The following MKI67 variants were observed in gnomAD, a reference collection of about 807,000 sequenced individuals.
The protein encoded by MKI67 is proliferation marker protein Ki-67.
In MKI67, 152 loss-of-function variants were observed where a neutral mutation model predicts 233.5. That is an observed-to-expected ratio of 0.65 (90% CI 0.57 to 0.74). The LOEUF is 0.74. Among genes scored for constraint, MKI67 ranks in the 30% least tolerant of loss-of-function variants. The probability of loss-of-function intolerance (pLI) is 0.00; values close to 1 mark genes in which losing one functional copy is unlikely to be tolerated. For missense variants in MKI67, 3,940 were observed against 3,885.2 expected, an observed-to-expected ratio of 1.01 and a Z score of -0.37; for synonymous variants, 1,465 against 1,418.5, an observed-to-expected ratio of 1.03 and a Z score of -0.74.
chr10:128,106,208 T>C lies in MKI67; in HGVS notation c.5632A>G (p.Lys1878Glu). ...DTPTNTKQRP[K>E]RSLKKADVEE... is the part of the protein sequence containing the mutation. ...ACGTCTGCTTTCTTGAGGCTTCTCT[T>C]GGGCCGTTGCTTTGTGTTTGTTGGG... Residue 1878 changes from lysine (K) to glutamate (E), a missense_variant, in exon 13 of 15, where the codon AAG becomes GAG. Lys to Glu is a moderately conservative substitution (Grantham distance 56). Transcript: ENST00000368654. 1 of 1,613,850 alleles carries C rather than the reference T, an allele frequency of 6.2e-7. No homozygotes were observed. Among genetic ancestry groups the C allele is most frequent in the Non-Finnish European group, 8.5e-7 (1 of 1,179,982 alleles).
rs147363182 is a variant in MKI67, at chr10:128,105,277, G to C, written c.6563C>G (p.Ala2188Gly). The change falls in exon 13 of 15, where the codon GCC becomes GGC. Residue 2188 changes from alanine (A) to glycine (G), a missense_variant. Transcript: ENST00000368654. ...GCCAGCCAAGTCTTCTAGGGGTTGG[G>C]CTTTTCCCTTAGGAGTTCTTGGCTG... Reference protein sequence around the residue: ...KRQPRTPKGKAQPLEDLAGLK... With the variant: ...KRQPRTPKGKGQPLEDLAGLK... 932 of 1,614,124 alleles carry C rather than the reference G, an allele frequency of 5.8e-4. 2 individuals are homozygous for C. The African/African-American group carries it at 0.01, about 17-fold the overall frequency.
Position 128,115,229 on chromosome 10 carries a change from C to T in MKI67, c.1179G>A (p.Arg393=). ...GTGTTCGATTTCTAGTTGAAAGCTT[C>T]CTGGGAGTAAGAGTTTTATCACCAG... is the stretch of plus-strand genomic sequence containing the variant. The part of the protein sequence containing the change: ...FKAGDKTLTP[R]KLSTRNRTPA... The change falls in exon 7 of 15, where the codon AGG becomes AGA. Residue 393 remains arginine, a synonymous_variant. Coordinates refer to ENST00000368654, the MANE Select transcript of MKI67 (RefSeq NM_002417.5). The T allele has an allele frequency of 6.2e-7, 1 of 1,614,218 alleles. No homozygotes were observed. Among genetic ancestry groups the T allele is most frequent in the Non-Finnish European group, 8.5e-7 (1 of 1,180,040 alleles).
chr10:128,099,112 T>G lies in MKI67; in HGVS notation c.*78A>C, dbSNP rs958528670. ...GACAGCCTTACTTACAGAATTCACT[T>G]GTAATTTATGACAAAAACTGCACTA... On this transcript the variant is annotated 3_prime_UTR_variant, in exon 15 of 15. Transcript: ENST00000368654. The G allele has an allele frequency of 2.6e-6, 3 of 1,155,072 alleles. No individual in the cohort carries two copies. The highest frequency in any genetic ancestry group is 3.8e-6 in the Non-Finnish European group (3 of 798,336). The allele number at this position is 1,155,072 out of a possible 1,614,324, so 71.6% of individuals were successfully genotyped here.
Position 128,106,737 on chromosome 10 carries a change from C to T in MKI67, c.5103G>A (p.Lys1701=). The change falls in exon 13 of 15, where the codon AAG becomes AAA. Residue 1701 remains lysine (K), a synonymous_variant. Transcript: ENST00000368654. The part of the protein sequence containing the change: ...TGSKRQLRTP[K]GKSEVPEDLA... The stretch of plus-strand genomic sequence containing the variant: ...GGTCTTCAGGGACTTCAGACTTTCC[C>T]TTAGGAGTTCTCAGCTGCCTCTTGC... 3 of 1,614,004 alleles carry T rather than the reference C, an allele frequency of 1.9e-6. No homozygotes were observed. Among genetic ancestry groups the T allele is most frequent in the Non-Finnish European group, 2.5e-6 (3 of 1,179,998 alleles).
chr10:128,117,214 C>T (rs899145105), intron 5 of MKI67, among the ~76,000 whole-genome samples: 1 of 152,224 alleles, frequency 6.6e-6, no homozygotes, highest in Non-Finnish European at 1.5e-5. Context: ...TGTAACCCCC[C>T]ACGAGCTCAG....
Position 128,115,585 on chromosome 10 carries a change from C to A in MKI67, c.823G>T (p.Glu275Ter). The stretch of plus-strand genomic sequence containing the variant: ...TCCCCCTGTAAACCATCAGCACTTT[C>A]TTTCTCTGTTGCGTAATCAGTTTGT... ...GLQTDYATEK[E>*]SADGLQGETQ... is the part of the protein sequence containing the mutation. The change falls in exon 7 of 15, where the codon GAA becomes TAA. Residue 275 changes from glutamate (E) to a stop codon, truncating the protein, a stop_gained. Transcript: ENST00000368654. LOFTEE classifies it high-confidence loss of function. The A allele has an allele frequency of 1.2e-6, 2 of 1,614,208 alleles. No individual in the cohort carries two copies. The highest frequency in any genetic ancestry group is 1.6e-4 in the Middle Eastern group (1 of 6,062).
chr10:128,119,154 C>T (rs1852872532), intron 5 of MKI67, 99 bp downstream of exon 5: 2 of 862,072 alleles, frequency 2.3e-6, no homozygotes, highest in African/African-American at 3.4e-5. Flanking sequence ...AGTAACCACC[C>T]TCTTTGTAAC....
rs1852563886 is a variant in MKI67, at chr10:128,108,107, T to C, written c.3733A>G (p.Lys1245Glu). 2 of 1,613,028 alleles carry C rather than the reference T, an allele frequency of 1.2e-6. No individual in the cohort carries two copies. Among genetic ancestry groups the C allele is most frequent in the Admixed American group, 3.3e-5 (2 of 59,902 alleles). Residue 1245 changes from lysine (K) to glutamate (E), a missense_variant, in exon 13 of 15, where the codon AAA becomes GAA. By Grantham distance (56) the Lys-to-Glu change is moderately conservative. Coordinates refer to ENST00000368654, the MANE Select transcript of MKI67 (RefSeq NM_002417.5). ...GAGTCGCAGGGTATTTTAGTGGTTT[T>C]ACCAGCAGCCACTAATTCCTCGGTG... ...GHTEELVAAGKTTKIPCDSPQ... is the reference protein window; with the variant it reads ...GHTEELVAAGETTKIPCDSPQ...
At chr10:128,124,995 C>G (rs1853025385) in intron 2 of MKI67, among the ~76,000 whole-genome samples, 1 of 152,062 alleles carries the variant, frequency 6.6e-6, no homozygotes, top group African/African-American at 2.4e-5. Flanking sequence ...GGAAATGACC[C>G]CCCTTCTCAG....
At position 128,107,747 on chromosome 10, in the gene MKI67, CA is replaced by C; in HGVS notation, c.4092del (p.Ala1365LeufsTer43). The C allele has an allele frequency of 6.2e-7, 1 of 1,613,656 alleles. No homozygotes were observed. Among genetic ancestry groups the C allele is most frequent in the Non-Finnish European group, 8.5e-7 (1 of 1,179,920 alleles). On this transcript the variant is annotated frameshift_variant, in exon 13 of 15. Transcript: ENST00000368654. LOFTEE classifies it high-confidence loss of function. Reference sequence around the variant, plus strand: ...CAGGGCATTTTAGTAGTTTTGCCAGCAGCCACTGCTTCTTCAGTATGACCAG... The same window carrying C: ...CAGGGCATTTTAGTAGTTTTGCCAGCGCCACTGCTTCTTCAGTATGACCAG... The part of the protein sequence containing the change: ...QTPGHTEEAV[A>X]AGKTTKMPCE...
rs1564998740 is a variant in MKI67, at chr10:128,103,162, A to G, written c.8678T>C (p.Leu2893Pro). The G allele has an allele frequency of 1.9e-6, 3 of 1,610,586 alleles. No individual in the cohort carries two copies. The East Asian group carries it at 6.7e-5, about 36-fold the overall frequency. Reference protein sequence around the residue: ...KAFKQPAKRKLDAEDVIGSRR... With the variant: ...KAFKQPAKRKPDAEDVIGSRR... Reference sequence around the variant, plus strand: ...GCTGCCAATTACATCTTCTGCGTCCAGCTTCCGCTTTGCAGGTTGCTTAAA... The same window carrying G: ...GCTGCCAATTACATCTTCTGCGTCCGGCTTCCGCTTTGCAGGTTGCTTAAA... Residue 2893 changes from leucine (L) to proline (P), a missense_variant, in exon 13 of 15, where the codon CTG becomes CCG. Leu to Pro is a moderately conservative substitution (Grantham distance 98, BLOSUM62 -3). Transcript: ENST00000368654.
In MKI67 at chr10:128,104,396, G is replaced by GC; in HGVS notation, c.7443dup (p.Leu2482AlafsTer38). ...TCCACTTTCACCAGGGGTATCTTGAGCCTTTGCTTGGAGCTTCTTGAGGTT... is the reference window on the plus strand; with the variant it reads ...TCCACTTTCACCAGGGGTATCTTGAGCCCTTTGCTTGGAGCTTCTTGAGGTT... On this transcript the variant is annotated frameshift_variant, in exon 13 of 15. Transcript: ENST00000368654. LOFTEE classifies it high-confidence loss of function. 1 of 1,614,178 alleles carries GC rather than the reference G, an allele frequency of 6.2e-7. No homozygotes were observed. The highest frequency in any genetic ancestry group is 8.5e-7 in the Non-Finnish European group (1 of 1,180,048).
intron 8 of MKI67, among the ~76,000 whole-genome samples, chr10:128,113,129 G>A (rs1852717477): frequency 6.6e-6 from 1 of 152,142 alleles, no homozygotes; most frequent in Non-Finnish European, 1.5e-5. Context: ...CTATTCTGAC[G>A]GTGCCTGCAG....
rs1329915667 is a variant in MKI67, at chr10:128,107,796, G to A, written c.4044C>T (p.Gly1348=). The A allele has an allele frequency of 6.2e-7, 1 of 1,613,950 alleles. No individual in the cohort carries two copies. The highest frequency in any genetic ancestry group is 1.7e-5 in the Admixed American group (1 of 60,002). Residue 1348 remains glycine (G), a synonymous_variant, in exon 13 of 15, where the codon GGC becomes GGT. Transcript: ENST00000368654. ...CAGGGGTCTGGAAGAGCTCTTTAAA[G>A]CCAGTCAGGTCTTCCAGAGCCTGGG... ...EEAQALEDLT[G]FKELFQTPGH...
Position 128,107,999 on chromosome 10 carries a change from C to G in MKI67, c.3841G>C (p.Glu1281Gln), listed in dbSNP as rs755104713. The change falls in exon 13 of 15, where the codon GAA becomes CAA. Residue 1281 changes from glutamate to glutamine, a missense_variant. Glu to Gln is a conservative substitution (Grantham distance 29, BLOSUM62 2). Coordinates refer to ENST00000368654, the MANE Select transcript of MKI67 (RefSeq NM_002417.5). ...ATTAGATTCCTGCACGCTAAGAGTTCTCCCTCTACATCTGCTTTCCTGATA... is the reference window on the plus strand; with the variant it reads ...ATTAGATTCCTGCACGCTAAGAGTTGTCCCTCTACATCTGCTTTCCTGATA... ...RSIRKADVEGELLACRNLMPS... is the reference protein window; with the variant it reads ...RSIRKADVEGQLLACRNLMPS... 1 of 1,613,768 alleles carries G rather than the reference C, an allele frequency of 6.2e-7. No individual in the cohort carries two copies. The highest frequency in any genetic ancestry group is 1.1e-5 in the South Asian group (1 of 91,074).
chr10:128,116,238 AACT>A (rs1206726551), intron 6 of MKI67, among the ~76,000 whole-genome samples: 1 of 152,208 alleles, frequency 6.6e-6, no homozygotes, highest in Non-Finnish European at 1.5e-5. Flanking sequence ...CATGCTATCT[AACT>A]ACTGAGAACT....
Position 128,098,671 on chromosome 10 carries a change from G to A in MKI67, c.*519C>T, listed in dbSNP as rs1852266294. 1 of 152,590 alleles carries A rather than the reference G, an allele frequency of 6.6e-6. No individual in the cohort carries two copies. Among genetic ancestry groups the A allele is most frequent in the African/African-American group, 2.4e-5 (1 of 41,454 alleles). 9.5% of individuals were successfully genotyped at this position (152,590 alleles called of 1,614,324 possible). On this transcript the variant is annotated 3_prime_UTR_variant, in exon 15 of 15. Transcript: ENST00000368654. Reference sequence around the variant, plus strand: ...ATCAAAAATAGGACTGTCCTGTGCAGATGTCCAATAGCCTTAATTTGGGGA... The same window carrying A: ...ATCAAAAATAGGACTGTCCTGTGCAAATGTCCAATAGCCTTAATTTGGGGA...
At chr10:128,121,489 T>C (rs1362179133) in intron 4 of MKI67, among the ~76,000 whole-genome samples, 1 of 129,832 alleles carries the variant, frequency 7.7e-6, no homozygotes, top group African/African-American at 2.9e-5. Flanking sequence ...TATTATATTA[T>C]ATATTACTAT....
chr10:128,108,756 G>T lies in MKI67; in HGVS notation c.3084C>A (p.Ser1028=). Residue 1028 remains serine (S), a synonymous_variant, in exon 13 of 15, where the codon TCC becomes TCA. Coordinates refer to ENST00000368654, the MANE Select transcript of MKI67 (RefSeq NM_002417.5). The part of the protein sequence containing the change: ...PTHTKQQLKA[S]LGKVGVKEEL... ...CTTCTTTCACACCTACTTTCCCCAG[G>T]GATGCCTTCAACTGTTGTTTTGTGT... is the stretch of plus-strand genomic sequence containing the variant. 1 of 1,614,162 alleles carries T rather than the reference G, an allele frequency of 6.2e-7. No individual in the cohort carries two copies. Among genetic ancestry groups the T allele is most frequent in the Non-Finnish European group, 8.5e-7 (1 of 1,180,028 alleles).
Sources: allele counts gnomAD v4.1 joint callset (sites outside exome capture counted in the v4.1 genomes callset), GRCh38; gene constraint gnomAD v4.1.1; transcripts MANE v1.5; gene names NCBI Gene and HGNC (gene_info 2026-07-23, HGNC 2026-07-21).